The following GDI2 variants were observed in gnomAD, a reference collection of about 807,000 sequenced individuals.
GDI2 encodes the protein GDP dissociation inhibitor 2.
A neutral mutation model predicts 54.2 loss-of-function variants in GDI2; 22 were observed. That is an observed-to-expected ratio of 0.41 (90% CI 0.29 to 0.58). The LOEUF (loss-of-function observed/expected upper bound fraction) is 0.58, where lower values mean the gene tolerates loss of function less well. GDI2 is among the 20% of genes least tolerant of loss of function. The pLI is 0.35. For missense variants in GDI2, 422 were observed against 546.0 expected, an observed-to-expected ratio of 0.77 and a Z score of 2.26; for synonymous variants, 177 against 182.1, an observed-to-expected ratio of 0.97 and a Z score of 0.23.
In GDI2 at chr10:5,771,245, T is replaced by C. The variant is rs144598282; in HGVS notation, c.819+2597A>G. ...TGAACTGTAAATCCTGTTCAAATAC[T>C]AGGAAAACTGTGTTGCACAGTATTC... On this transcript the variant is annotated intron_variant, in intron 7 of 10. Transcript: ENST00000380191. 6.2e-4 allele frequency among the ~76,000 whole-genome samples: 95 copies of C among 152,300 alleles called. 3 individuals carry two copies. In the East Asian group the frequency reaches 0.017, roughly 27 times the overall value.
chr10:5,778,131 G>C (rs1408408826), intron 6 of GDI2, among the ~76,000 whole-genome samples: 1 of 152,144 alleles, frequency 6.6e-6, no homozygotes, highest in South Asian at 2.1e-4. Context: ...ACCGGGGCCT[G>C]TCAGGGGATG....
At chr10:5,797,494 G>A (rs1170924777) in intron 2 of GDI2, among the ~76,000 whole-genome samples, 13 of 142,882 alleles carry the variant, frequency 9.1e-5, no homozygotes, top group Admixed American at 7.5e-4. Context: ...GCAGTGAGCC[G>A]AGATAGCGTG....
chr10:5,786,119 C>A, intron 4 of GDI2, 69 bp from the exon 5 acceptor site: 2 of 942,924 alleles, frequency 2.1e-6, no homozygotes, highest in South Asian at 1.4e-5. Flanking sequence ...AGTATGAGAG[C>A]AAAGTTTAAA....
chr10:5,796,443 TG>T (rs1221715692), intron 3 of GDI2, among the ~76,000 whole-genome samples: 3 of 152,154 alleles, frequency 2.0e-5, no homozygotes, highest in African/African-American at 7.2e-5. Flanking sequence ...ATTAAAATAA[TG>T]CTGTTTCAAA....
intron 6 of GDI2, among the ~76,000 whole-genome samples, chr10:5,783,649 G>C (rs1840809607): frequency 6.6e-6 from 1 of 152,296 alleles, no homozygotes; most frequent in East Asian, 1.9e-4. Context: ...TGGCTTGGTA[G>C]TGGCAAATTC....
chr10:5,809,253 A>AC (rs1554791065), intron 1 of GDI2, among the ~76,000 whole-genome samples: 4 of 151,690 alleles, frequency 2.6e-5, no homozygotes. Context: ...TCAAAAAAAA[A>AC]CAAAAAAAAA....
Position 5,776,948 on chromosome 10 carries a change from G to A in GDI2, c.720-3007C>T. ...AAAAATTAAAAGGGAAAACCACATA[G>A]AAGGGTAATCCCGGAAATGCTTCAT... On this transcript the variant is annotated intron_variant, in intron 6 of 10. Transcript: ENST00000380191. The surrounding 1 kb of genome is among the most constrained non-coding windows in gnomAD (Gnocchi z 5.3). The A allele has an allele frequency of 1.7e-6, 1 of 574,954 alleles. No homozygotes were observed. Among genetic ancestry groups the A allele is most frequent in the Middle Eastern group, 2.8e-4 (1 of 3,510 alleles). 35.6% of individuals were successfully genotyped at this position (574,954 alleles called of 1,614,324 possible).
Position 5,773,897 on chromosome 10 carries a change from A to G in GDI2, c.764T>C (p.Ile255Thr), listed in dbSNP as rs761818808. 8 of 1,567,794 alleles carry G rather than the reference A, an allele frequency of 5.1e-6. No individual in the cohort carries two copies. Among genetic ancestry groups the G allele is most frequent in the Non-Finnish European group, 7.0e-6 (8 of 1,142,002 alleles). The change falls in exon 7 of 11, where the codon ATT (isoleucine) becomes ACT (threonine). Residue 255 changes from isoleucine (I) to threonine (T), a missense_variant. Ile to Thr is a moderately conservative substitution (Grantham distance 89, BLOSUM62 -1). Transcript: ENST00000380191. ...YGGTYMLNKP[I>T]EEIIVQNGKV... is the part of the protein sequence containing the mutation. ...TCCATTCTGTACAATGATTTCTTCA[A>G]TGGGTTTATTCAGCATATAGGTACC...
chr10:5,781,181 A>C (rs1009388452), intron 6 of GDI2, among the ~76,000 whole-genome samples: 3 of 151,940 alleles, frequency 2.0e-5, no homozygotes, highest in Non-Finnish European at 4.4e-5. Flanking sequence ...TGTAAAAAAA[A>C]AAAAGAACCT....
chr10:5,796,205 C>G (rs1035473110), intron 3 of GDI2, among the ~76,000 whole-genome samples: 7 of 151,994 alleles, frequency 4.6e-5, no homozygotes, highest in Admixed American at 2.0e-4. Flanking sequence ...CAAAAATTAG[C>G]TGGGCGTGGT....
chr10:5,791,070 C>G (rs144911933), intron 4 of GDI2, among the ~76,000 whole-genome samples: 1 of 152,132 alleles, frequency 6.6e-6, no homozygotes, highest in Admixed American at 6.6e-5. Context: ...GGAGAGGTAA[C>G]TGCTTGAGTC....
intron 6 of GDI2, among the ~76,000 whole-genome samples, chr10:5,775,570 C>A (rs1032023728): frequency 6.6e-6 from 1 of 152,010 alleles, no homozygotes; most frequent in African/African-American, 2.4e-5. Context: ...AAAGAGGGAG[C>A]CTCAAAAGAA....
At chr10:5,788,877 C>CTT (rs1840940208) in intron 4 of GDI2, among the ~76,000 whole-genome samples, 1 of 152,078 alleles carries the variant, frequency 6.6e-6, no homozygotes, top group Non-Finnish European at 1.5e-5. Flanking sequence ...ATACTCCCAC[C>CTT]TAAGCATCCC....
chr10:5,803,864 C>T (rs530490367), intron 1 of GDI2, among the ~76,000 whole-genome samples: 2 of 152,202 alleles, frequency 1.3e-5, no homozygotes, highest in Admixed American at 1.3e-4. Flanking sequence ...AAGGAAATTC[C>T]ATGTATCTTT....
chr10:5,791,051 G>A (rs935953859), intron 4 of GDI2, among the ~76,000 whole-genome samples: 4 of 152,206 alleles, frequency 2.6e-5, no homozygotes, highest in African/African-American at 9.6e-5. Context: ...GCCTCTTTTG[G>A]GAGGCTGAGG....
intron 1 of GDI2, among the ~76,000 whole-genome samples, chr10:5,803,212 G>T (rs1841307439): frequency 6.6e-6 from 1 of 152,168 alleles, no homozygotes; most frequent in Non-Finnish European, 1.5e-5. Context: ...AAGCCCAGGA[G>T]TTGGATGGAG....
intron 6 of GDI2, among the ~76,000 whole-genome samples, chr10:5,778,158 A>T (rs146256103): frequency 6.6e-6 from 1 of 152,212 alleles, no homozygotes; most frequent in Non-Finnish European, 1.5e-5. Flanking sequence ...AGGGAGGGAT[A>T]GCACTAGAAG....
intron 1 of GDI2, among the ~76,000 whole-genome samples, chr10:5,806,307 G>A (rs1210320781): frequency 6.6e-6 from 1 of 151,882 alleles, no homozygotes; most frequent in East Asian, 1.9e-4. Context: ...GGGCATGGTG[G>A]CTCATGCCTA....
intron 6 of GDI2, among the ~76,000 whole-genome samples, chr10:5,781,402 C>A (rs113887475): frequency 8.0e-5 from 12 of 149,866 alleles, no homozygotes; most frequent in Admixed American, 2.0e-4. Flanking sequence ...CCAAGGCAGG[C>A]GGATCATGAA....
Sources: gnomAD v4.1 joint callset for allele counts (sites outside exome capture counted in the v4.1 genomes callset) on GRCh38, gnomAD v4.1.1 for gene constraint, Gnocchi (gnomAD v3.1) non-coding constraint, MANE v1.5 for transcripts, NCBI Gene and HGNC (gene_info 2026-07-23, HGNC 2026-07-21) for gene names.